Variants in GNB1L observed in about 807,000 individuals in gnomAD.
GNB1L encodes the protein G protein subunit beta 1 like.
In GNB1L, 20 loss-of-function variants were observed where a neutral mutation model predicts 29.1. That is an observed-to-expected ratio of 0.69 (90% CI 0.48 to 1.00). GNB1L has a LOEUF of 1.00. Among genes scored for constraint, GNB1L ranks in the 50% least tolerant of loss-of-function variants. The probability of loss-of-function intolerance (pLI) is 0.00; values close to 1 mark genes in which losing one functional copy is unlikely to be tolerated. For missense variants in GNB1L, 421 were observed against 464.9 expected, an observed-to-expected ratio of 0.91 and a Z score of 0.87; for synonymous variants, 193 against 206.5, an observed-to-expected ratio of 0.93 and a Z score of 0.56.
chr22:19,814,032 C>T (rs1308874161), intron 4 of GNB1L, among the ~76,000 whole-genome samples: 1 of 152,138 alleles, frequency 6.6e-6, no homozygotes, highest in African/African-American at 2.4e-5. Flanking sequence ...AGGACACGGA[C>T]TCTGAAGCTG....
At position 19,852,000 on chromosome 22, in the gene GNB1L, T is replaced by C. The variant is rs201726697; in HGVS notation, c.-21+2443A>G. 4.3e-6 allele frequency: 7 copies of C among 1,614,168 alleles called. No individual in the cohort carries two copies. In the East Asian group the frequency reaches 1.3e-4, roughly 31 times the overall value. On this transcript the variant is annotated intron_variant, in intron 2 of 7. Coordinates refer to ENST00000329517, the MANE Select transcript of GNB1L (RefSeq NM_053004.3). ...AAGTCCACCCTGTGGGGTCGGGAGC[T>C]GGGCATGTGCCCAGCTAGGGGACCC...
At chr22:19,849,898 CTCCAGGAGCT>C in intron 2 of GNB1L, 1 of 985,522 alleles carries the variant, frequency 1.0e-6, no homozygotes, top group Non-Finnish European at 1.2e-6. Flanking sequence ...GTAAACTTGG[CTCCAGGAGCT>C]TCCAAGCTCA....
chr22:19,836,730 C>G (rs1268639054), intron 2 of GNB1L, among the ~76,000 whole-genome samples: 1 of 152,162 alleles, frequency 6.6e-6, no homozygotes, highest in African/African-American at 2.4e-5. Context: ...CTGGAGCCAA[C>G]TGGCATTTAT....
At chr22:19,851,707 A>G in intron 2 of GNB1L, 2 of 1,602,676 alleles carry the variant, frequency 1.2e-6, no homozygotes, top group Non-Finnish European at 8.5e-7. Context: ...GGTACTCAGC[A>G]AAACTGTTCG....
intron 2 of GNB1L, among the ~76,000 whole-genome samples, chr22:19,836,563 A>T (rs1244022506): frequency 6.6e-6 from 1 of 152,244 alleles, no homozygotes; most frequent in Non-Finnish European, 1.5e-5. Context: ...TACCAAAACC[A>T]GACAAAGTTA....
intron 2 of GNB1L, among the ~76,000 whole-genome samples, chr22:19,839,984 G>A (rs1421714156): frequency 6.6e-6 from 1 of 151,690 alleles, no homozygotes; most frequent in East Asian, 1.9e-4. Context: ...GATCACTTGA[G>A]CCCGTGGAGT....
intron 6 of GNB1L, among the ~76,000 whole-genome samples, chr22:19,805,184 A>G (rs796323393): frequency 6.0e-4 from 92 of 152,368 alleles, no homozygotes; most frequent in African/African-American, 2.2e-3. Flanking sequence ...CCACAGAAGC[A>G]GCACTACAGG....
chr22:19,802,335 T>C, intron 6 of GNB1L, 119 bp from the exon 7 acceptor site: 1 of 764,500 alleles, frequency 1.3e-6, no homozygotes, highest in South Asian at 1.7e-5. Flanking sequence ...TTCCCATGTC[T>C]TCCACGTGGC....
intron 2 of GNB1L, chr22:19,848,392 G>A (rs1887034117): frequency 2.0e-6 from 2 of 985,468 alleles, no homozygotes; most frequent in Non-Finnish European, 2.4e-6. Flanking sequence ...AACCCAGGGG[G>A]AATGCCTCCT....
Position 19,800,372 on chromosome 22 carries a change from G to C in GNB1L, c.732+1629C>G, listed in dbSNP as rs184552173. ...CAGGGAAGCTGTCTGGGTCTTCAGC[G>C]CTTTGCTGTCAGGCTGGTGAAGGAC... On this transcript the variant is annotated intron_variant, in intron 7 of 7. Coordinates refer to ENST00000329517, the MANE Select transcript of GNB1L (RefSeq NM_053004.3). Among the ~76,000 whole-genome samples the C allele has an allele frequency of 2.7e-3, 418 of 152,294 alleles. 4 individuals carry two copies. Among genetic ancestry groups the C allele is most frequent in the African/African-American group, 8.9e-3 (368 of 41,566 alleles).
Position 19,788,633 on chromosome 22 carries a change from G to GC in GNB1L, c.*75_*76insG, listed in dbSNP as rs199731300. ...TTGCTGGTCCTCAGAGGCCCTTGAG[G>GC]TTTCAGGCCAAGGCTGGGGCCTGAT... On this transcript the variant is annotated 3_prime_UTR_variant, in exon 8 of 8. Coordinates refer to ENST00000329517, the MANE Select transcript of GNB1L (RefSeq NM_053004.3). 3 of 1,579,092 alleles carry GC rather than the reference G, an allele frequency of 1.9e-6. No individual in the cohort carries two copies. In the Admixed American group the frequency reaches 5.1e-5, roughly 27 times the overall value.
chr22:19,850,567 C>T, intron 2 of GNB1L: 1 of 1,137,034 alleles, frequency 8.8e-7, no homozygotes, highest in Non-Finnish European at 1.1e-6. Flanking sequence ...CTGCCCAGAA[C>T]TGCTGGTAAT....
Position 19,828,981 on chromosome 22 carries a change from G to A in GNB1L, c.-20-7606C>T, listed in dbSNP as rs943750233. Among the ~76,000 whole-genome samples the A allele has an allele frequency of 4.6e-5, 7 of 152,080 alleles. 1 individual carries two copies. The highest frequency in any genetic ancestry group is 1.4e-4 in the African/African-American group (6 of 41,400). On this transcript the variant is annotated intron_variant, in intron 2 of 7. Coordinates refer to ENST00000329517, the MANE Select transcript of GNB1L (RefSeq NM_053004.3). Reference sequence around the variant, plus strand: ...CGAGTAGCTGGGACTACAGGCACACGCCACAGTGCCCGGCTAATTTCTGTA... The same window carrying A: ...CGAGTAGCTGGGACTACAGGCACACACCACAGTGCCCGGCTAATTTCTGTA...
intron 2 of GNB1L, among the ~76,000 whole-genome samples, chr22:19,852,671 G>C (rs1938137388): frequency 1.3e-5 from 2 of 152,194 alleles, no homozygotes; most frequent in Non-Finnish European, 2.9e-5. Context: ...ACATTGCAAG[G>C]GCAAGGCAGA....
intron 2 of GNB1L, chr22:19,849,244 C>T: frequency 3.0e-6 from 3 of 985,218 alleles, no homozygotes; most frequent in Non-Finnish European, 3.6e-6. Flanking sequence ...GTTTTACCTA[C>T]AAGGTATCTG....
At chr22:19,822,173 C>T (rs574504069) in intron 2 of GNB1L, among the ~76,000 whole-genome samples, 36 of 152,190 alleles carry the variant, frequency 2.4e-4, no homozygotes, top group Admixed American at 7.9e-4. Context: ...TTGGGGAAAC[C>T]GAGGCAGAGA....
At position 19,848,157 on chromosome 22, in the gene GNB1L, ACAGG is replaced by A. The variant is rs1938010389; in HGVS notation, c.-21+6282_-21+6285del. ...TCCTATTTTAAAGTTTTCCTTGCAG[ACAGG>A]TACTTTAAATACCATCTCACAGCAC... On this transcript the variant is annotated intron_variant, in intron 2 of 7. Transcript: ENST00000329517. 3.0e-6 allele frequency: 3 copies of A among 985,254 alleles called. No individual in the cohort carries two copies. The African/African-American group carries it at 5.2e-5, about 17-fold the overall frequency. 61.0% of individuals were successfully genotyped at this position (985,254 alleles called of 1,614,324 possible). A position where few individuals can be genotyped will look rare whatever the true frequency, so the allele number is the denominator to read the frequency against.
intron 2 of GNB1L, chr22:19,851,928 A>G: frequency 6.2e-7 from 1 of 1,614,150 alleles, no homozygotes; most frequent in Non-Finnish European, 8.5e-7. Flanking sequence ...TCCAGTAGCC[A>G]CGGGGAGCCA....
chr22:19,800,750 A>G (rs1047897058), intron 7 of GNB1L, among the ~76,000 whole-genome samples: 1 of 152,226 alleles, frequency 6.6e-6, no homozygotes. Flanking sequence ...CAAGTCTACC[A>G]TGTGCCTGCA....
Sources: gnomAD v4.1 joint callset for allele counts (sites outside exome capture counted in the v4.1 genomes callset) on GRCh38, gnomAD v4.1.1 for gene constraint, MANE v1.5 for transcripts, NCBI Gene and HGNC (gene_info 2026-07-23, HGNC 2026-07-21) for gene names.